UBE2E2: variants seen among roughly 807,000 people sequenced by gnomAD.
UBE2E2 encodes ubiquitin conjugating enzyme E2 E2, also known as ubiquitin-conjugating enzyme E2 E2.
In UBE2E2, 6 loss-of-function variants were observed where a neutral mutation model predicts 24.7. The observed-to-expected ratio is 0.24, with a 90% confidence interval of 0.13 to 0.48. The LOEUF (loss-of-function observed/expected upper bound fraction) is 0.48. Among genes scored for constraint, UBE2E2 ranks in the 20% least tolerant of loss-of-function variants. The probability of loss-of-function intolerance (pLI) is 0.99; values close to 1 mark genes in which losing one functional copy is unlikely to be tolerated. For missense variants in UBE2E2, 169 were observed against 245.0 expected, an observed-to-expected ratio of 0.69 and a Z score of 2.07; for synonymous variants, 104 against 83.6, an observed-to-expected ratio of 1.24 and a Z score of -1.33.
chr3:23,591,525 C>T lies in UBE2E2; in HGVS notation c.*1694C>T, dbSNP rs924579951. On this transcript the variant is annotated 3_prime_UTR_variant, in exon 6 of 6. Transcript: ENST00000396703. ...ATTCATTTTATTTAAAAACATTTCT[C>T]AGCATAGCAGGGCACTGTATGGTCT... 21 of 152,146 alleles carry T rather than the reference C, an allele frequency of 1.4e-4. No homozygotes were observed. Among genetic ancestry groups the T allele is most frequent in the Admixed American group, 4.6e-4 (7 of 15,276 alleles). 9.4% of individuals were successfully genotyped at this position (152,146 alleles called of 1,614,324 possible).
At chr3:23,393,629 A>G (rs1371699083) in intron 3 of UBE2E2, among the ~76,000 whole-genome samples, 1 of 152,170 alleles carries the variant, frequency 6.6e-6, no homozygotes, top group African/African-American at 2.4e-5. Context: ...GGACAAATGA[A>G]TGTTAGAGTC....
chr3:23,493,297 C>G (rs1339009714), intron 3 of UBE2E2, among the ~76,000 whole-genome samples: 2 of 152,156 alleles, frequency 1.3e-5, no homozygotes, highest in Non-Finnish European at 2.9e-5. Flanking sequence ...ACAGCGAGAG[C>G]CTATTTTCAT....
At chr3:23,436,317 T>C (rs943506121) in intron 3 of UBE2E2, among the ~76,000 whole-genome samples, 10 of 152,192 alleles carry the variant, frequency 6.6e-5, no homozygotes, top group Non-Finnish European at 1.2e-4. Flanking sequence ...AGTGCCCAGG[T>C]TCATTCTGCT....
chr3:23,401,516 G>A (rs73138436), intron 3 of UBE2E2, among the ~76,000 whole-genome samples: 6,292 of 152,062 alleles, frequency 0.041, 456 homozygotes, highest in African/African-American at 0.14. Context: ...TTTTATTTGC[G>A]CTCTTGTCTG....
intron 3 of UBE2E2, among the ~76,000 whole-genome samples, chr3:23,380,359 G>A (rs959424459): frequency 5.3e-5 from 8 of 152,202 alleles, no homozygotes; most frequent in East Asian, 1.9e-4. Flanking sequence ...GGCACATGCC[G>A]TGACTACAGG....
intron 4 of UBE2E2, among the ~76,000 whole-genome samples, chr3:23,515,367 GAACA>G (rs1000356841): frequency 6.6e-6 from 1 of 152,068 alleles, no homozygotes; most frequent in Non-Finnish European, 1.5e-5. Flanking sequence ...CACTGTTGTT[GAACA>G]AACAGAGTGG....
intron 3 of UBE2E2, among the ~76,000 whole-genome samples, chr3:23,327,360 G>A (rs1298265037): frequency 1.3e-5 from 2 of 152,002 alleles, no homozygotes; most frequent in Non-Finnish European, 2.9e-5. Context: ...TTTAATGATC[G>A]CCATTCTAAC....
chr3:23,439,804 A>C (rs1422337786), intron 3 of UBE2E2, among the ~76,000 whole-genome samples: 1 of 152,104 alleles, frequency 6.6e-6, no homozygotes, highest in Non-Finnish European at 1.5e-5. Context: ...CTCAATCCAG[A>C]TGTATAACTA....
At chr3:23,227,837 G>C (rs1696867503) in intron 3 of UBE2E2, among the ~76,000 whole-genome samples, 1 of 152,176 alleles carries the variant, frequency 6.6e-6, no homozygotes, top group Non-Finnish European at 1.5e-5. Context: ...AGAATTTCAA[G>C]AGTTTCAAGC....
chr3:23,204,386 A>T (rs1696088064), intron 1 of UBE2E2, among the ~76,000 whole-genome samples: 1 of 152,162 alleles, frequency 6.6e-6, no homozygotes, highest in Admixed American at 6.5e-5. Context: ...TGTATTGTGT[A>T]TTCTTGAGAG....
chr3:23,538,017 C>T (rs1695305759), intron 5 of UBE2E2, among the ~76,000 whole-genome samples: 3 of 152,102 alleles, frequency 2.0e-5, no homozygotes, highest in Admixed American at 6.6e-5. Flanking sequence ...TTCTACTATA[C>T]TTGAGAACTG....
At chr3:23,465,653 T>C (rs1351682829) in intron 3 of UBE2E2, among the ~76,000 whole-genome samples, 1 of 152,156 alleles carries the variant, frequency 6.6e-6, no homozygotes, top group Non-Finnish European at 1.5e-5. Context: ...GCCACTTCCC[T>C]GATCAGATCT....
rs77167416 is a variant in UBE2E2 at position 23,541,960 on chromosome 3, T to C, written c.508+9259T>C. 6.4e-4 allele frequency among the ~76,000 whole-genome samples: 98 copies of C among 152,268 alleles called. 5 individuals carry two copies. The East Asian group carries it at 0.015, about 24-fold the overall frequency. On this transcript the variant is annotated intron_variant, in intron 5 of 5. Transcript: ENST00000396703. ...GCTCCTGTGATGGAAAAAATGTTCATACACAGACTAATTTAAATACATAAG... is the reference window on the plus strand; with the variant it reads ...GCTCCTGTGATGGAAAAAATGTTCACACACAGACTAATTTAAATACATAAG...
At chr3:23,313,044 C>T (rs1226177941) in intron 3 of UBE2E2, among the ~76,000 whole-genome samples, 1 of 152,006 alleles carries the variant, frequency 6.6e-6, no homozygotes, top group Non-Finnish European at 1.5e-5. Context: ...GATTCATGTG[C>T]TGAGGAGTAC....
chr3:23,540,388 TTTTG>T (rs112747673), intron 5 of UBE2E2, among the ~76,000 whole-genome samples: 37,031 of 148,142 alleles, frequency 0.25, 5,157 homozygotes, highest in African/African-American at 0.36. Context: ...TTTGATGCCC[TTTTG>T]TTTGTTTGTT....
chr3:23,461,878 A>T (rs2125426089), intron 3 of UBE2E2, among the ~76,000 whole-genome samples: 1 of 152,244 alleles, frequency 6.6e-6, no homozygotes, highest in Non-Finnish European at 1.5e-5. Flanking sequence ...CTGTTACTTC[A>T]AGAGTAATAT....
intron 3 of UBE2E2, among the ~76,000 whole-genome samples, chr3:23,271,958 G>C (rs1230952983): frequency 6.6e-6 from 1 of 152,222 alleles, no homozygotes; most frequent in East Asian, 1.9e-4. Context: ...CAGGAGCCCA[G>C]CTGGCTTCGC....
intron 3 of UBE2E2, among the ~76,000 whole-genome samples, chr3:23,322,977 A>G (rs1042762596): frequency 1.2e-4 from 18 of 151,962 alleles, no homozygotes; most frequent in Admixed American, 9.8e-4. Context: ...TACGTGGTTC[A>G]GTAAAACATA....
chr3:23,552,125 T>C (rs928021961), intron 5 of UBE2E2, among the ~76,000 whole-genome samples: 3 of 152,200 alleles, frequency 2.0e-5, no homozygotes, highest in Non-Finnish European at 2.9e-5. Flanking sequence ...AATAAATTTC[T>C]GCTTTTTAAG....
Sources: gnomAD v4.1 joint callset for allele counts (sites outside exome capture counted in the v4.1 genomes callset) on GRCh38, gnomAD v4.1.1 for gene constraint, MANE v1.5 for transcripts, NCBI Gene and HGNC (gene_info 2026-07-23, HGNC 2026-07-21) for gene names.